The following ZDHHC20 variants were observed in gnomAD, a reference collection of about 807,000 sequenced individuals.
The protein encoded by ZDHHC20 is palmitoyltransferase ZDHHC20.
Under a neutral mutation model 57.8 loss-of-function variants are expected in ZDHHC20, and 43 were observed. The observed-to-expected ratio is 0.74, with a 90% confidence interval of 0.58 to 0.96. The LOEUF (loss-of-function observed/expected upper bound fraction) is 0.96. ZDHHC20 is among the 40% of genes least tolerant of loss of function. ZDHHC20 has a pLI of 0.00. For synonymous variants in ZDHHC20, 157 were observed against 153.0 expected, an observed-to-expected ratio of 1.03 and a Z score of -0.19; for missense variants, 391 against 441.1, an observed-to-expected ratio of 0.89 and a Z score of 1.02.
chr13:21,384,754 C>T (rs75637212), intron 9 of ZDHHC20, among the ~76,000 whole-genome samples: 379 of 152,198 alleles, frequency 2.5e-3, no homozygotes, highest in Admixed American at 4.6e-3. Flanking sequence ...TTTATTGGAG[C>T]GCTAAACTAG....
intron 10 of ZDHHC20, chr13:21,382,040 G>A: frequency 2.3e-6 from 1 of 437,820 alleles, no homozygotes; most frequent in Non-Finnish European, 4.7e-6. Context: ...AAAGGAAGAG[G>A]AAAAGGAAAC....
At chr13:21,440,061 T>G in intron 1 of ZDHHC20, among the ~76,000 whole-genome samples, 1 of 109,394 alleles carries the variant, frequency 9.1e-6, no homozygotes, top group African/African-American at 3.8e-5. Flanking sequence ...AGTAAGACTG[T>G]TTCTCAGAAA....
Position 21,401,667 on chromosome 13 carries a change from A to C in ZDHHC20, c.459T>G (p.Asp153Glu). ...SACDSCILKM[D>E]HHCPWVNNCV... ...TTTATACATACCAAGGACAGTGATG[A>C]TCCATCTTAAGAATACATCTAGGAA... Residue 153 changes from aspartate to glutamate, a missense_variant, in exon 6 of 13, where the codon GAT becomes GAG. Physicochemically the swap from Asp to Glu is conservative, Grantham distance 45 (BLOSUM62 2). Transcript: ENST00000400590. 6.5e-7 allele frequency: 1 copy of C among 1,536,082 alleles called. No individual in the cohort carries two copies. Among genetic ancestry groups the C allele is most frequent in the Non-Finnish European group, 8.7e-7 (1 of 1,143,368 alleles).
chr13:21,431,118 G>A (rs1335203486), intron 1 of ZDHHC20, among the ~76,000 whole-genome samples: 1 of 152,066 alleles, frequency 6.6e-6, no homozygotes, highest in Non-Finnish European at 1.5e-5. Flanking sequence ...TAATATTTTT[G>A]TATTAGTCCA....
intron 3 of ZDHHC20, among the ~76,000 whole-genome samples, chr13:21,420,114 C>T (rs754633459): frequency 1.6e-4 from 25 of 152,104 alleles, no homozygotes; most frequent in Admixed American, 3.3e-4. Context: ...TGGGGAAATC[C>T]CGTCTCTACT....
At chr13:21,393,578 G>A (rs888861993) in intron 7 of ZDHHC20, among the ~76,000 whole-genome samples, 1 of 151,162 alleles carries the variant, frequency 6.6e-6, no homozygotes, top group Non-Finnish European at 1.5e-5. Context: ...GGTGGTACAC[G>A]CCTGTAATCC....
chr13:21,455,633 G>GGTGT (rs3070118), intron 1 of ZDHHC20, among the ~76,000 whole-genome samples: 2,789 of 148,156 alleles, frequency 0.019, 31 homozygotes, highest in African/African-American at 0.032. Flanking sequence ...CCAGTGAAGT[G>GGTGT]GTGTGTGTGT....
intron 1 of ZDHHC20, among the ~76,000 whole-genome samples, chr13:21,443,229 G>GT (rs201912859): frequency 0.011 from 1,618 of 151,102 alleles, 25 homozygotes; most frequent in African/African-American, 0.036. Flanking sequence ...TAGGAGTGGT[G>GT]TTTTTTTTTA....
chr13:21,448,674 G>A lies in ZDHHC20; in HGVS notation c.118+10380C>T, dbSNP rs1884122166. Among the ~76,000 whole-genome samples the A allele has an allele frequency of 3.0e-5, 3 of 99,796 alleles. 1 individual carries two copies. Among genetic ancestry groups the A allele is most frequent in the Non-Finnish European group, 7.9e-5 (3 of 37,926 alleles). The allele number at this position is 99,796 out of a possible 152,430, so 65.5% of individuals were successfully genotyped here. On this transcript the variant is annotated intron_variant, in intron 1 of 12. Transcript: ENST00000400590. ...TCTGCCCGGCTGCCCCTACTGGGAA[G>A]TGAGGAGCCCCTTTGCCCGGCCACC...
Position 21,442,073 on chromosome 13 carries a change from C to T in ZDHHC20, c.119-16395G>A, listed in dbSNP as rs144945191. Among the ~76,000 whole-genome samples, 509 of 152,042 alleles carry T rather than the reference C, an allele frequency of 3.3e-3. 3 individuals carry two copies. Among genetic ancestry groups the T allele is most frequent in the African/African-American group, 0.011 (473 of 41,456 alleles). Reference sequence around the variant, plus strand: ...TCATAAATTTTGTTTACGTTGTTTACGTTATGTATCCCTATTTTATTGTTT... The same window carrying T: ...TCATAAATTTTGTTTACGTTGTTTATGTTATGTATCCCTATTTTATTGTTT... On this transcript the variant is annotated intron_variant, in intron 1 of 12. Coordinates refer to ENST00000400590, the MANE Select transcript of ZDHHC20 (RefSeq NM_001330059.2).
At chr13:21,441,565 TTTTTTTTTTTTG>T in intron 1 of ZDHHC20, among the ~76,000 whole-genome samples, 1 of 137,324 alleles carries the variant, frequency 7.3e-6, no homozygotes, top group Non-Finnish European at 1.6e-5. Context: ...TTTTTTTTTT[TTTTTTTTTTTTG>T]TATTTTTAGT....
chr13:21,429,130 C>CA (rs1385507586), intron 1 of ZDHHC20, among the ~76,000 whole-genome samples: 1 of 152,112 alleles, frequency 6.6e-6, no homozygotes, highest in Non-Finnish European at 1.5e-5. Flanking sequence ...ATCAGATACT[C>CA]ACTTTATCAG....
rs1593154582 is a variant in ZDHHC20, at chr13:21,375,273, A to C, written c.*1423T>G. 2 of 427,740 alleles carry C rather than the reference A, an allele frequency of 4.7e-6. No homozygotes were observed. Among genetic ancestry groups the C allele is most frequent in the Admixed American group, 5.1e-5 (2 of 39,038 alleles). The allele number at this position is 427,740 out of a possible 1,614,324, so 26.5% of individuals were successfully genotyped here. A position where few individuals can be genotyped will look rare whatever the true frequency, so the allele number is the denominator to read the frequency against. The stretch of plus-strand genomic sequence containing the variant: ...TCCCATTTTACAGACAGGAAGCTCC[A>C]ACCTGTAGTACTCACAGATGCTGCT... On this transcript the variant is annotated 3_prime_UTR_variant, in exon 13 of 13. Coordinates refer to ENST00000400590, the MANE Select transcript of ZDHHC20 (RefSeq NM_001330059.2).
chr13:21,456,060 G>A (rs955602405), intron 1 of ZDHHC20, among the ~76,000 whole-genome samples: 3 of 152,148 alleles, frequency 2.0e-5, no homozygotes, highest in Admixed American at 6.6e-5. Context: ...TACATGTAAA[G>A]ATATAATTAT....
intron 1 of ZDHHC20, among the ~76,000 whole-genome samples, chr13:21,439,437 C>CTGCA (rs577461949): frequency 0.013 from 1,992 of 152,214 alleles, 16 homozygotes; most frequent in Non-Finnish European, 0.017. Context: ...GAGGTCTAGG[C>CTGCA]TGCAGTGAGC....
chr13:21,429,858 CTTTT>C (rs1053763566), intron 1 of ZDHHC20, among the ~76,000 whole-genome samples: 1 of 152,128 alleles, frequency 6.6e-6, no homozygotes, highest in Non-Finnish European at 1.5e-5. Context: ...ATTCACTTCA[CTTTT>C]TTTCTCTGCC....
chr13:21,374,834 C>T lies in ZDHHC20; in HGVS notation c.*1862G>A. ...TTTATTATTTAGCATACAGAAGGTA[C>T]TCCAAAAAATTTACCGGGGCGGGGC... On this transcript the variant is annotated 3_prime_UTR_variant, in exon 13 of 13. Coordinates refer to ENST00000400590, the MANE Select transcript of ZDHHC20 (RefSeq NM_001330059.2). 1 of 295,600 alleles carries T rather than the reference C, an allele frequency of 3.4e-6. No individual in the cohort carries two copies. The highest frequency in any genetic ancestry group is 6.6e-6 in the Non-Finnish European group (1 of 152,128). The allele number at this position is 295,600 out of a possible 1,614,324, so 18.3% of individuals were successfully genotyped here. A position where few individuals can be genotyped will look rare whatever the true frequency, so the allele number is the denominator to read the frequency against.
At chr13:21,379,829 T>TTTTTTTTC (rs1872944751) in intron 11 of ZDHHC20, among the ~76,000 whole-genome samples, 1 of 150,478 alleles carries the variant, frequency 6.6e-6, no homozygotes, top group African/African-American at 2.5e-5. Context: ...TTTTTTCTTT[T>TTTTTTTTC]TTTTTGAGAT....
chr13:21,391,421 G>C (rs1875693758), intron 8 of ZDHHC20, among the ~76,000 whole-genome samples: 1 of 152,074 alleles, frequency 6.6e-6, no homozygotes, highest in Non-Finnish European at 1.5e-5. Context: ...CCAAAATAAT[G>C]AACCTTTATT....
Sources: gnomAD v4.1 joint callset for allele counts (sites outside exome capture counted in the v4.1 genomes callset) on GRCh38, gnomAD v4.1.1 for gene constraint, MANE v1.5 for transcripts, NCBI Gene and HGNC (gene_info 2026-07-23, HGNC 2026-07-21) for gene names.